Variants in CDK6 observed in about 807,000 individuals in gnomAD.
CDK6 encodes the protein cyclin dependent kinase 6.
CDK6 carries 6 observed loss-of-function variants against 37.1 expected under a neutral mutation model. The ratio of observed to expected loss-of-function variants is 0.16; its 90% CI spans 0.09 to 0.32. CDK6 has a LOEUF of 0.32. CDK6 is among the 10% of genes least tolerant of loss of function. The pLI is 1.00. For synonymous variants in CDK6, 160 were observed against 161.3 expected, an observed-to-expected ratio of 0.99 and a Z score of 0.06; for missense variants, 224 against 418.9, an observed-to-expected ratio of 0.53 and a Z score of 4.06.
chr7:92,784,600 T>TGA (rs1041091407), intron 2 of CDK6, among the ~76,000 whole-genome samples: 2 of 152,106 alleles, frequency 1.3e-5, no homozygotes, highest in Non-Finnish European at 2.9e-5. Context: ...GTGAATGGAC[T>TGA]GAGAGACCCC....
At chr7:92,775,052 C>T (rs1799814765) in intron 2 of CDK6, among the ~76,000 whole-genome samples, 1 of 152,222 alleles carries the variant, frequency 6.6e-6, no homozygotes, top group Non-Finnish European at 1.5e-5. Flanking sequence ...AGCATGAGAA[C>T]ATCTATAGTA....
intron 3 of CDK6, among the ~76,000 whole-genome samples, chr7:92,745,268 T>G (rs1457465390): frequency 2.0e-5 from 3 of 152,262 alleles, no homozygotes; most frequent in East Asian, 3.8e-4. Context: ...AATAATTTGA[T>G]GAAGGTATTC....
intron 3 of CDK6, among the ~76,000 whole-genome samples, chr7:92,753,716 T>C (rs981023509): frequency 6.6e-6 from 1 of 152,172 alleles, no homozygotes; most frequent in Non-Finnish European, 1.5e-5. Flanking sequence ...CAACTAAAAC[T>C]GGTGCCTCAA....
chr7:92,653,266 A>T (rs867556375), intron 5 of CDK6, among the ~76,000 whole-genome samples: 1 of 152,078 alleles, frequency 6.6e-6, no homozygotes, highest in Non-Finnish European at 1.5e-5. Context: ...TGATAAGCAA[A>T]TTCCTTTGTT....
intron 4 of CDK6, among the ~76,000 whole-genome samples, chr7:92,673,530 A>G (rs1400632411): frequency 6.6e-6 from 1 of 152,164 alleles, no homozygotes; most frequent in Non-Finnish European, 1.5e-5. Flanking sequence ...TGGCCCCAAC[A>G]TATCTTTCTA....
chr7:92,705,946 G>C (rs1213415760), intron 4 of CDK6, among the ~76,000 whole-genome samples: 2 of 152,238 alleles, frequency 1.3e-5, no homozygotes, highest in Non-Finnish European at 2.9e-5. Flanking sequence ...AACAAAACAA[G>C]ACAGTGCAGG....
At chr7:92,680,739 A>C (rs1797317326) in intron 4 of CDK6, among the ~76,000 whole-genome samples, 1 of 152,116 alleles carries the variant, frequency 6.6e-6, no homozygotes. Context: ...ATGTCCCATC[A>C]CCTGCTATTG....
chr7:92,708,151 CCA>C (rs1798008079), intron 4 of CDK6, among the ~76,000 whole-genome samples: 3 of 152,144 alleles, frequency 2.0e-5, no homozygotes, highest in Admixed American at 6.5e-5. Context: ...CTTTGAAACC[CCA>C]GTTTGATTAT....
chr7:92,735,739 T>C (rs1389577153), intron 3 of CDK6, among the ~76,000 whole-genome samples: 1 of 152,204 alleles, frequency 6.6e-6, no homozygotes, highest in Non-Finnish European at 1.5e-5. Context: ...TAGATATGCA[T>C]TAAGATGAAT....
intron 5 of CDK6, among the ~76,000 whole-genome samples, chr7:92,648,085 G>A (rs552012338): frequency 4.6e-5 from 7 of 151,892 alleles, no homozygotes; most frequent in African/African-American, 9.7e-5. Context: ...AACACAACCC[G>A]TGTGTGTGTG....
At chr7:92,750,446 A>C (rs780216137) in intron 3 of CDK6, among the ~76,000 whole-genome samples, 1 of 152,152 alleles carries the variant, frequency 6.6e-6, no homozygotes, top group Non-Finnish European at 1.5e-5. Context: ...TTTGGTTACA[A>C]TCCTAATTTG....
chr7:92,645,812 G>A (rs1046025150), intron 5 of CDK6, among the ~76,000 whole-genome samples: 2 of 152,142 alleles, frequency 1.3e-5, no homozygotes, highest in African/African-American at 2.4e-5. Flanking sequence ...TCTTTCCTTC[G>A]GAGTTTATTT....
At chr7:92,798,944 C>T (rs1800491213) in intron 2 of CDK6, among the ~76,000 whole-genome samples, 1 of 152,198 alleles carries the variant, frequency 6.6e-6, no homozygotes, top group African/African-American at 2.4e-5. Context: ...GAACCCTATT[C>T]CTCCTGAACT....
chr7:92,671,844 C>T (rs773555870), intron 4 of CDK6, among the ~76,000 whole-genome samples: 6 of 151,504 alleles, frequency 4.0e-5, no homozygotes, highest in South Asian at 2.1e-4. Flanking sequence ...TTTTCTCCCC[C>T]CCTTTAAGGG....
At chr7:92,618,008 A>G in intron 7 of CDK6, 64 bp downstream of exon 7, 1 of 1,561,852 alleles carries the variant, frequency 6.4e-7, no homozygotes, top group East Asian at 2.3e-5. Flanking sequence ...CCCACCACCC[A>G]GTCTGGGTAG....
intron 5 of CDK6, among the ~76,000 whole-genome samples, chr7:92,639,162 C>A (rs1016920750): frequency 1.3e-5 from 2 of 152,108 alleles, no homozygotes; most frequent in African/African-American, 4.8e-5. Flanking sequence ...GGTGAACACA[C>A]GTAGAAAACC....
intron 5 of CDK6, among the ~76,000 whole-genome samples, chr7:92,647,320 G>C (rs1010781934): frequency 5.3e-5 from 8 of 152,342 alleles, no homozygotes; most frequent in African/African-American, 1.9e-4. Context: ...TCAAGGTGTT[G>C]TGAGAGTGAA....
chr7:92,801,868 C>T (rs542322337), intron 2 of CDK6, among the ~76,000 whole-genome samples: 6 of 151,958 alleles, frequency 3.9e-5, no homozygotes, highest in African/African-American at 1.2e-4. Context: ...GTGATCCACC[C>T]GCCTTAGCTT....
intron 4 of CDK6, among the ~76,000 whole-genome samples, chr7:92,703,744 C>G (rs1329091524): frequency 1.3e-5 from 2 of 152,200 alleles, no homozygotes; most frequent in Non-Finnish European, 2.9e-5. Context: ...ATTTTAATCA[C>G]TTGAATTTTT....
Sources: allele counts gnomAD v4.1 joint callset (sites outside exome capture counted in the v4.1 genomes callset), GRCh38; gene constraint gnomAD v4.1.1; transcripts MANE v1.5; gene names NCBI Gene and HGNC (gene_info 2026-07-23, HGNC 2026-07-21).